RTL1: variants seen among roughly 807,000 people sequenced by gnomAD.
RTL1 encodes retrotransposon-like protein 1.
For synonymous variants in RTL1, 727 were observed against 748.4 expected, an observed-to-expected ratio of 0.97 and a Z score of 0.47; for missense variants, 1,681 against 1,767.5, an observed-to-expected ratio of 0.95 and a Z score of 0.88.
chr14:100,895,226 G>A (rs1205464905), intron 2 of RTL1, among the ~76,000 whole-genome samples: 1 of 152,174 alleles, frequency 6.6e-6, no homozygotes, highest in African/African-American at 2.4e-5. Flanking sequence ...ACAGATGTGC[G>A]TGGGGACATC....
chr14:100,884,777 G>A lies in RTL1; in HGVS notation c.12C>T (p.Pro4=). MIE[P]SEDSFETMME... ...TCATCGTCTCAAATGAGTCTTCAGA[G>A]GGTTCTATCATTTCGTCGGATGGAA... Residue 4 remains proline (P), a synonymous_variant, in exon 4 of 4, where the codon CCC becomes CCT. Coordinates refer to ENST00000649591, the MANE Select transcript of RTL1 (RefSeq NM_001134888.3). 6.4e-7 allele frequency: 1 copy of A among 1,570,554 alleles called. No homozygotes were observed.
intron 2 of RTL1, among the ~76,000 whole-genome samples, chr14:100,894,353 G>A (rs1321314065): frequency 2.0e-5 from 3 of 151,446 alleles, no homozygotes; most frequent in East Asian, 1.9e-4. Context: ...AAAAAAACGT[G>A]TATTTGAGTC....
chr14:100,896,179 C>A (rs2038853287), intron 2 of RTL1, among the ~76,000 whole-genome samples: 2 of 152,250 alleles, frequency 1.3e-5, no homozygotes, highest in South Asian at 4.1e-4. Flanking sequence ...AATAGTGGGG[C>A]TTCACGTGCA....
chr14:100,882,929 A>T lies in RTL1; in HGVS notation c.1860T>A (p.Gly620=), dbSNP rs774195630. 3 of 1,611,266 alleles carry T rather than the reference A, an allele frequency of 1.9e-6. No individual in the cohort carries two copies. Among genetic ancestry groups the T allele is most frequent in the Non-Finnish European group, 2.5e-6 (3 of 1,178,784 alleles). The change falls in exon 4 of 4, where the codon GGT becomes GGA. Residue 620 remains glycine (G), a synonymous_variant. Transcript: ENST00000649591. Reference sequence around the variant, plus strand: ...GCCTGGCTCTTTCTTGCATCCTGGCACCCACAGGTTCCCAAGGCGCGGTGG... The same window carrying T: ...GCCTGGCTCTTTCTTGCATCCTGGCTCCCACAGGTTCCCAAGGCGCGGTGG... ...CPSTAPWEPV[G]ARMQERARLQ... is the part of the protein sequence containing the mutation.
intron 2 of RTL1, among the ~76,000 whole-genome samples, chr14:100,898,711 G>A (rs544493801): frequency 3.9e-5 from 6 of 152,326 alleles, no homozygotes; most frequent in African/African-American, 9.6e-5. Flanking sequence ...GGCTTTGCGC[G>A]GCCGTGCCTT....
Position 100,893,242 on chromosome 14 carries a change from G to A in RTL1, c.-87+202C>T, listed in dbSNP as rs999978493. 6.6e-6 allele frequency among the ~76,000 whole-genome samples: 1 copy of A among 152,192 alleles called. No homozygotes were observed. Among genetic ancestry groups the A allele is most frequent in the Non-Finnish European group, 1.5e-5 (1 of 68,040 alleles). ...GAGGAGGGACAGGACAGCTGGCCCA[G>A]GACCTGCTAATTATAGCTGCTCAAG... is the stretch of plus-strand genomic sequence containing the variant. On this transcript the variant is annotated intron_variant, in intron 3 of 3. Coordinates refer to ENST00000649591, the MANE Select transcript of RTL1 (RefSeq NM_001134888.3). This position sits in a 1 kb window ranked among gnomAD's most constrained non-coding sequence, Gnocchi z 4.2.
chr14:100,901,508 C>T (rs1224510531), intron 2 of RTL1, among the ~76,000 whole-genome samples: 1 of 152,220 alleles, frequency 6.6e-6, no homozygotes, highest in Non-Finnish European at 1.5e-5. Context: ...AGGCCGGCAC[C>T]CCAGCCCTGT....
In RTL1 at chr14:100,881,530, T is replaced by C; in HGVS notation, c.3259A>G (p.Lys1087Glu). Residue 1087 changes from lysine to glutamate, a missense_variant, in exon 4 of 4, where the codon AAG (lysine) becomes GAG (glutamate). By Grantham distance (56) the Lys-to-Glu change is moderately conservative (BLOSUM62 1). Coordinates refer to ENST00000649591, the MANE Select transcript of RTL1 (RefSeq NM_001134888.3). The surrounding 1 kb of genome is among the most constrained non-coding windows in gnomAD (Gnocchi z 6.6). ...LHFFRGLLYW[K>E]NTLALAAILV... ...ATGGCTGCCAGGGCTAGGGTGTTCT[T>C]CCAGTACAGGAGGCCTCGGAAGAAG... 1.3e-6 allele frequency: 2 copies of C among 1,551,666 alleles called. No individual in the cohort carries two copies. The highest frequency in any genetic ancestry group is 2.4e-5 in the South Asian group (2 of 84,054).
chr14:100,887,381 A>C (rs925832384), intron 3 of RTL1, among the ~76,000 whole-genome samples: 1 of 152,230 alleles, frequency 6.6e-6, no homozygotes, highest in Non-Finnish European at 1.5e-5. Flanking sequence ...TATTTTTAGC[A>C]TAGAACAATA....
chr14:100,890,584 T>C (rs186362562), intron 3 of RTL1, among the ~76,000 whole-genome samples: 221 of 151,242 alleles, frequency 1.5e-3, no homozygotes, highest in Non-Finnish European at 2.8e-3. Flanking sequence ...AAGGGAGAGG[T>C]GGGTTCTCTG....
rs1275680704 is a variant in RTL1, at chr14:100,884,140, T to G, written c.649A>C (p.Ile217Leu). The change falls in exon 4 of 4, where the codon ATC (isoleucine) becomes CTC (leucine). Residue 217 changes from isoleucine to leucine, a missense_variant. Transcript: ENST00000649591. ...SGDRREFHEF[I>L]VLCQLTLQSY... ...TGTAAGGTCAGTTGGCAGAGTACGA[T>G]GAACTCGTGGAATTCTCTGCGATCG... 1.9e-6 allele frequency: 3 copies of G among 1,551,750 alleles called. No individual in the cohort carries two copies. Among genetic ancestry groups the G allele is most frequent in the Admixed American group, 3.9e-5 (2 of 51,018 alleles).
rs369840377 is a variant in RTL1, at chr14:100,881,189, G to A, written c.3600C>T (p.Phe1200=). 7.3e-5 allele frequency: 113 copies of A among 1,541,428 alleles called. No homozygotes were observed. In the Middle Eastern group the frequency reaches 2.8e-3, roughly 39 times the overall value. The change falls in exon 4 of 4, where the codon TTC becomes TTT. Residue 1200 remains phenylalanine (F), a synonymous_variant. Transcript: ENST00000649591. The surrounding 1 kb of genome is among the most constrained non-coding windows in gnomAD (Gnocchi z 6.6). ...PGFWLTLCEF[F]GVRVTPQEGH... is the part of the protein sequence containing the mutation. ...CCTCCTGGGGGGTGACTCTGACACCGAAGAACTCACACAGCGTCAGCCAGA... is the reference window on the plus strand; with the variant it reads ...CCTCCTGGGGGGTGACTCTGACACCAAAGAACTCACACAGCGTCAGCCAGA...
intron 3 of RTL1, among the ~76,000 whole-genome samples, chr14:100,886,231 A>AT (rs397772380): frequency 1.3e-5 from 2 of 151,682 alleles, no homozygotes; most frequent in Non-Finnish European, 1.5e-5. Flanking sequence ...AAAAAAAAAA[A>AT]CTGCGTTCCC....
At chr14:100,898,219 G>A (rs2038895599) in intron 2 of RTL1, among the ~76,000 whole-genome samples, 1 of 152,166 alleles carries the variant, frequency 6.6e-6, no homozygotes. Flanking sequence ...TAAAAATGGT[G>A]CTTAATGCAG....
Position 100,880,045 on chromosome 14 carries a change from C to A in RTL1, c.*667G>T, listed in dbSNP as rs1444438950. Among the ~76,000 whole-genome samples, 1 of 151,058 alleles carries A rather than the reference C, an allele frequency of 6.6e-6. No homozygotes were observed. The highest frequency in any genetic ancestry group is 2.0e-4 in the East Asian group (1 of 5,116). ...TAAGTGGCACTGGTACGTCCGGATGCCCCAAAGAGCGGCTTTGTCCAGGTA... is the reference window on the plus strand; with the variant it reads ...TAAGTGGCACTGGTACGTCCGGATGACCCAAAGAGCGGCTTTGTCCAGGTA... On this transcript the variant is annotated 3_prime_UTR_variant, in exon 4 of 4. Coordinates refer to ENST00000649591, the MANE Select transcript of RTL1 (RefSeq NM_001134888.3).
rs753079061 is a variant in RTL1 at position 100,881,000 on chromosome 14, G to T, written c.3789C>A (p.Asp1263Glu). 6.4e-7 allele frequency: 1 copy of T among 1,570,266 alleles called. No individual in the cohort carries two copies. ...TGTGGCTGGGTGGGGCCTCCTGCAC[G>T]TCGTTGTCCTGCTTGTCCTGCGAGG... ...QDTSQDKQDNDVQEAPPSHTA... is the reference protein window; with the variant it reads ...QDTSQDKQDNEVQEAPPSHTA... The change falls in exon 4 of 4, where the codon GAC becomes GAA. Residue 1263 changes from aspartate (D) to glutamate (E), a missense_variant. Transcript: ENST00000649591.
rs1213889503 is a variant in RTL1, at chr14:100,881,440, G to C, written c.3349C>G (p.Arg1117Gly). The C allele has an allele frequency of 1.3e-6, 2 of 1,550,634 alleles. No homozygotes were observed. Among genetic ancestry groups the C allele is most frequent in the Non-Finnish European group, 1.7e-6 (2 of 1,146,924 alleles). ...CGTAGGGAGCGCTGGGGCTGGGGCC[G>C]AGCCACCCGCATGGCGGGTGCCGGC... ...LRPAPAMRVARPQPQRSLRLI... is the reference protein window; with the variant it reads ...LRPAPAMRVAGPQPQRSLRLI... The change falls in exon 4 of 4, where the codon CGG becomes GGG. Residue 1117 changes from arginine to glycine, a missense_variant. Coordinates refer to ENST00000649591, the MANE Select transcript of RTL1 (RefSeq NM_001134888.3). The surrounding 1 kb of genome is among the most constrained non-coding windows in gnomAD (Gnocchi z 6.6).
chr14:100,887,741 T>G (rs1348835880), intron 3 of RTL1, among the ~76,000 whole-genome samples: 2 of 143,642 alleles, frequency 1.4e-5, no homozygotes, highest in East Asian at 5.1e-4. Flanking sequence ...CAGAGGGAGA[T>G]TCCCTCTCAA....
chr14:100,898,690 C>G (rs1282676357), intron 2 of RTL1, among the ~76,000 whole-genome samples: 1 of 152,224 alleles, frequency 6.6e-6, no homozygotes, highest in Admixed American at 6.5e-5. Context: ...CAGCGGGCTC[C>G]CTACTTCTTA....
Sources: gnomAD v4.1 joint callset for allele counts (sites outside exome capture counted in the v4.1 genomes callset) on GRCh38, gnomAD v4.1.1 for gene constraint, Gnocchi (gnomAD v3.1) non-coding constraint, MANE v1.5 for transcripts, NCBI Gene and HGNC (gene_info 2026-07-23, HGNC 2026-07-21) for gene names.